Variants in FCRL6 observed in about 807,000 individuals in gnomAD.
FCRL6 encodes the protein Fc receptor-like protein 6.
Under a neutral mutation model 49.1 loss-of-function variants are expected in FCRL6, and 50 were observed. That is an observed-to-expected ratio of 1.02 (90% CI 0.81 to 1.29). FCRL6 has a LOEUF of 1.29. Ranked by LOEUF, FCRL6 falls within the 50% of genes most tolerant of loss-of-function variation. The probability of loss-of-function intolerance (pLI) is 0.00; values close to 1 mark genes in which losing one functional copy is unlikely to be tolerated. For missense variants in FCRL6, 571 were observed against 518.5 expected (o/e 1.10, Z -0.98); for synonymous variants, 213 against 199.6 (o/e 1.07, Z -0.57).
In FCRL6 at chr1:159,810,181, C is replaced by T. The variant is rs200994996; in HGVS notation, c.974C>T (p.Ala325Val). ...SLLGLMVIAA[A>V]LLVYVRSWRK... The stretch of plus-strand genomic sequence containing the variant: ...CTTGGCCTGATGGTTATTGCTGCTG[C>T]ACTTCTGGTTTATGTGAGATCCTGG... Residue 325 changes from alanine (A) to valine (V), a missense_variant, in exon 6 of 10, where the codon GCA (alanine) becomes GTA (valine). Physicochemically the swap from Ala to Val is moderately conservative, Grantham distance 64. Coordinates refer to ENST00000368106, the MANE Select transcript of FCRL6 (RefSeq NM_001004310.3). 8.6e-5 allele frequency: 138 copies of T among 1,613,668 alleles called. No homozygotes were observed. The highest frequency in any genetic ancestry group is 1.3e-4 in the Admixed American group (8 of 59,968).
At chr1:159,804,663 C>T (rs1013007939) in intron 1 of FCRL6, among the ~76,000 whole-genome samples, 4 of 152,230 alleles carry the variant, frequency 2.6e-5, no homozygotes, top group African/African-American at 9.6e-5. Flanking sequence ...ATCCCACCTC[C>T]AAGATCTTGC....
In FCRL6 at chr1:159,802,404, C is replaced by A; in HGVS notation, c.-21C>A. ...ACCTGTTTCTGACCTGTGTTCCCTC[C>A]GCTGTGCCAGAACAGGCCCCATGCT... is the stretch of plus-strand genomic sequence containing the variant. On this transcript the variant is annotated 5_prime_UTR_variant, in exon 1 of 10. Transcript: ENST00000368106. The A allele has an allele frequency of 6.2e-7, 1 of 1,613,662 alleles. No individual in the cohort carries two copies. Among genetic ancestry groups the A allele is most frequent in the Non-Finnish European group, 8.5e-7 (1 of 1,179,790 alleles).
chr1:159,802,219 C>T (rs1000828999), upstream of FCRL6: 4 of 536,520 alleles, frequency 7.5e-6, no homozygotes, highest in African/African-American at 5.7e-5. Context: ...AAAATTTATT[C>T]ATGTAATACT....
chr1:159,815,367 G>C (rs1240773863), intron 8 of FCRL6, 61 bp from the exon 9 acceptor site: 2 of 1,568,540 alleles, frequency 1.3e-6, no homozygotes, highest in African/African-American at 2.7e-5. Flanking sequence ...GGAGGGGTGG[G>C]AAGGAGATGT....
chr1:159,800,743 A>G, upstream of FCRL6: 1 of 758,808 alleles, frequency 1.3e-6, no homozygotes. Flanking sequence ...GAGTCAGACA[A>G]TCTAGGGCAA....
rs752034070 is a variant in FCRL6 at position 159,809,724 on chromosome 1, C to A, written c.886+41C>A. On this transcript the variant is annotated intron_variant, in intron 5 of 9. Coordinates refer to ENST00000368106, the MANE Select transcript of FCRL6 (RefSeq NM_001004310.3). ...CAACAGAGCTTTGAGCCCCAGCAAG[C>A]TGGCAGGGGTCAGATCTCACCCTCT... 27 of 1,575,736 alleles carry A rather than the reference C, an allele frequency of 1.7e-5. No individual in the cohort carries two copies. The South Asian group carries it at 2.8e-4, about 16-fold the overall frequency.
upstream of FCRL6, chr1:159,800,542 G>A: frequency 2.0e-6 from 3 of 1,522,768 alleles, no homozygotes; most frequent in Non-Finnish European, 2.7e-6. Context: ...GCTGAACGAA[G>A]TTGAAGACAA....
intron 8 of FCRL6, 35 bp downstream of exon 8, chr1:159,814,327 A>G: frequency 6.3e-7 from 1 of 1,580,348 alleles, no homozygotes. Context: ...GTACCTTTGC[A>G]AACAGAAGTT....
At chr1:159,802,070 G>A (rs1662367986), upstream of FCRL6, among the ~76,000 whole-genome samples, 1 of 152,040 alleles carries the variant, frequency 6.6e-6, no homozygotes, top group African/African-American at 2.4e-5. Flanking sequence ...AGCAAATTCG[G>A]GCAGTCTCTG....
rs1422034130 is a variant in FCRL6 at position 159,815,685 on chromosome 1, A to T, written c.*24A>T. On this transcript the variant is annotated 3_prime_UTR_variant, in exon 10 of 10. Coordinates refer to ENST00000368106, the MANE Select transcript of FCRL6 (RefSeq NM_001004310.3). The stretch of plus-strand genomic sequence containing the variant: ...AGTGATGGTGTTCTCCTATCAACAC[A>T]CGCCCACCCCCAGTCTCCAGTGCTC... The T allele has an allele frequency of 6.2e-7, 1 of 1,613,074 alleles. No homozygotes were observed. The highest frequency in any genetic ancestry group is 2.2e-5 in the East Asian group (1 of 44,870).
intron 6 of FCRL6, among the ~76,000 whole-genome samples, chr1:159,812,635 C>T (rs1021343361): frequency 2.0e-5 from 3 of 152,200 alleles, no homozygotes; most frequent in African/African-American, 4.8e-5. Flanking sequence ...TCAGCCCTGA[C>T]GAATGAGCGT....
At chr1:159,804,946 C>A (rs558906068) in intron 1 of FCRL6, among the ~76,000 whole-genome samples, 14 of 152,286 alleles carry the variant, frequency 9.2e-5, no homozygotes, top group South Asian at 2.1e-4. Context: ...GTCAACATAA[C>A]CTTCACAACT....
At chr1:159,814,846 G>A (rs1663300819) in intron 8 of FCRL6, among the ~76,000 whole-genome samples, 1 of 152,128 alleles carries the variant, frequency 6.6e-6, no homozygotes, top group African/African-American at 2.4e-5. Context: ...AGAAGAATGT[G>A]GGTTTCTGAG....
rs767991287 is a variant in FCRL6 at position 159,809,435 on chromosome 1, A to G, written c.638A>G (p.His213Arg). Residue 213 changes from histidine (H) to arginine (R), a missense_variant, in exon 5 of 10, where the codon CAC (histidine) becomes CGC (arginine). Physicochemically the swap from His to Arg is conservative, Grantham distance 29. Coordinates refer to ENST00000368106, the MANE Select transcript of FCRL6 (RefSeq NM_001004310.3). ...TCCCGTCCTGTGCTCACTCTGCACC[A>G]CGGGCCTGCTGACCCTGCTGTGGGG... is the stretch of plus-strand genomic sequence containing the variant. ...PVSRPVLTLHHGPADPAVGDM... is the reference protein window; with the variant it reads ...PVSRPVLTLHRGPADPAVGDM... 27 of 1,612,870 alleles carry G rather than the reference A, an allele frequency of 1.7e-5. No individual in the cohort carries two copies. The highest frequency in any genetic ancestry group is 2.3e-5 in the Non-Finnish European group (27 of 1,179,176).
intron 4 of FCRL6, 47 bp from the exon 5 acceptor site, chr1:159,809,355 G>A: frequency 6.5e-7 from 1 of 1,537,366 alleles, no homozygotes; most frequent in South Asian, 1.3e-5. Flanking sequence ...GAGGGAGCCA[G>A]GGTCCTGGGT....
chr1:159,804,600 C>T (rs1222331941), intron 1 of FCRL6, among the ~76,000 whole-genome samples: 3 of 152,244 alleles, frequency 2.0e-5, no homozygotes, highest in Non-Finnish European at 4.4e-5. Context: ...GGTGTCACCC[C>T]CTGTGTATGT....
At chr1:159,802,880 A>G (rs925025733) in intron 1 of FCRL6, among the ~76,000 whole-genome samples, 1 of 152,198 alleles carries the variant, frequency 6.6e-6, no homozygotes, top group African/African-American at 2.4e-5. Context: ...AAACAGTCCC[A>G]GGCATTTTGC....
chr1:159,800,765 A>ACT (rs1342638879), upstream of FCRL6, among the ~76,000 whole-genome samples: 2 of 152,226 alleles, frequency 1.3e-5, no homozygotes, highest in Admixed American at 1.3e-4. Context: ...AAAACTTAGA[A>ACT]AATTCTCTCT....
chr1:159,801,798 C>T (rs192053969), upstream of FCRL6, among the ~76,000 whole-genome samples: 85 of 152,292 alleles, frequency 5.6e-4, no homozygotes, highest in South Asian at 3.1e-3. Context: ...CAAAATCATA[C>T]TGACAGTCTT....
Sources: allele counts gnomAD v4.1 joint callset (sites outside exome capture counted in the v4.1 genomes callset), GRCh38; gene constraint gnomAD v4.1.1; transcripts MANE v1.5; gene names NCBI Gene and HGNC (gene_info 2026-07-23, HGNC 2026-07-21).